Variants in NXPE3 observed in about 807,000 individuals in gnomAD.
NXPE3 encodes the protein NXPE family member 3.
A neutral mutation model predicts 46.1 loss-of-function variants in NXPE3; 26 were observed. The observed-to-expected ratio is 0.56, with a 90% CI of 0.41 to 0.78. The LOEUF (loss-of-function observed/expected upper bound fraction) is 0.78. NXPE3 is among the 30% of genes least tolerant of loss of function. The pLI is 0.00. For missense variants in NXPE3, 620 were observed against 686.0 expected, an observed-to-expected ratio of 0.90 and a Z score of 1.07; for synonymous variants, 272 against 257.9, an observed-to-expected ratio of 1.05 and a Z score of -0.52.
Position 101,816,942 on chromosome 3 carries a change from AT to A in NXPE3, c.1073del (p.Leu358TyrfsTer21), listed in dbSNP as rs781139961. The A allele has an allele frequency of 3.7e-6, 6 of 1,614,142 alleles. No individual in the cohort carries two copies. In the South Asian group the frequency reaches 6.6e-5, roughly 18 times the overall value. On this transcript the variant is annotated frameshift_variant, in exon 7 of 8. Transcript: ENST00000273347. LOFTEE classifies it high-confidence loss of function. ...ITECLQRKVV[H>X]LFGDSTIRQW... ...GAGTGCTTACAAAGAAAAGTGGTGC[AT>A]TTATTTGGTGACTCAACAATCAGGC...
rs2107230192 is a variant in NXPE3 at position 101,782,641 on chromosome 3, T to TC, written c.-316-18dup. On this transcript the variant is annotated intron_variant, in intron 2 of 7. Transcript: ENST00000273347. Reference sequence around the variant, plus strand: ...AATTGGTTTTATTCTTTATTTTATTTCATTTTTTTTTGAGACAGAGTCCTG... The same window carrying TC: ...AATTGGTTTTATTCTTTATTTTATTTCCATTTTTTTTTGAGACAGAGTCCTG... The TC allele has an allele frequency of 1.3e-5, 2 of 152,302 alleles. No individual in the cohort carries two copies. The highest frequency in any genetic ancestry group is 3.9e-4 in the East Asian group (2 of 5,190). The allele number at this position is 152,302 out of a possible 1,614,324, so 9.4% of individuals were successfully genotyped here. A position where few individuals can be genotyped will look rare whatever the true frequency, so the allele number is the denominator to read the frequency against.
rs1263286301 is a variant in NXPE3, at chr3:101,822,814, G to GT, written c.*866dup. 1 of 147,362 alleles carries GT rather than the reference G, an allele frequency of 6.8e-6. No homozygotes were observed. The highest frequency in any genetic ancestry group is 1.5e-5 in the Non-Finnish European group (1 of 67,032). The allele number at this position is 147,362 out of a possible 1,614,324, so 9.1% of individuals were successfully genotyped here. A position where few individuals can be genotyped will look rare whatever the true frequency, so the allele number is the denominator to read the frequency against. ...GCTACGATATTATAAAGCTGTGGAA[G>GT]TTTTTTCCACTAGTTTCAGGTGTTT... On this transcript the variant is annotated 3_prime_UTR_variant, in exon 8 of 8. Coordinates refer to ENST00000273347, the MANE Select transcript of NXPE3 (RefSeq NM_145037.4).
intron 4 of NXPE3, among the ~76,000 whole-genome samples, chr3:101,795,552 G>C (rs970337158): frequency 6.6e-6 from 1 of 151,766 alleles, no homozygotes; most frequent in Non-Finnish European, 1.5e-5. Flanking sequence ...TTATGAGAAG[G>C]GGGTATTTGT....
chr3:101,785,779 G>T, intron 4 of NXPE3, 90 bp downstream of exon 4: 4 of 1,024,380 alleles, frequency 3.9e-6, no homozygotes, highest in Non-Finnish European at 6.2e-6. Flanking sequence ...GTTATCGGAA[G>T]ATTATCGTAG....
At chr3:101,805,617 T>C (rs1259938584) in intron 5 of NXPE3, among the ~76,000 whole-genome samples, 4 of 152,086 alleles carry the variant, frequency 2.6e-5, no homozygotes, top group Non-Finnish European at 5.9e-5. Context: ...TTTTTGTATT[T>C]TTAGTAGAGA....
intron 4 of NXPE3, among the ~76,000 whole-genome samples, chr3:101,800,677 T>A (rs1156699118): frequency 6.6e-6 from 1 of 152,170 alleles, no homozygotes; most frequent in Admixed American, 6.5e-5. Flanking sequence ...TGATACTCAT[T>A]GGTTAGGTAC....
At position 101,822,000 on chromosome 3, in the gene NXPE3, A is replaced by G. The variant is rs766722000; in HGVS notation, c.*46A>G. 2 of 1,557,714 alleles carry G rather than the reference A, an allele frequency of 1.3e-6. No individual in the cohort carries two copies. Among genetic ancestry groups the G allele is most frequent in the Non-Finnish European group, 1.8e-6 (2 of 1,140,326 alleles). On this transcript the variant is annotated 3_prime_UTR_variant, in exon 8 of 8. Coordinates refer to ENST00000273347, the MANE Select transcript of NXPE3 (RefSeq NM_145037.4). ...AGGAATCATATTCAATGACCTTCTCAATTGACCTGAGTTACAGAAAGTGGC... is the reference window on the plus strand; with the variant it reads ...AGGAATCATATTCAATGACCTTCTCGATTGACCTGAGTTACAGAAAGTGGC...
chr3:101,806,559 C>G (rs1941427514), intron 5 of NXPE3, among the ~76,000 whole-genome samples: 1 of 152,168 alleles, frequency 6.6e-6, no homozygotes, highest in African/African-American at 2.4e-5. Flanking sequence ...GGAACAGACA[C>G]TAAAGAGTCC....
Position 101,801,606 on chromosome 3 carries a change from T to TTAA in NXPE3, c.465_466insTAA (p.Ala155_Gly156insTer). 6.2e-7 allele frequency: 1 copy of TTAA among 1,614,218 alleles called. No homozygotes were observed. The highest frequency in any genetic ancestry group is 8.5e-7 in the Non-Finnish European group (1 of 1,180,030). ...GAATTCACTCCCTCAAGCTGCAGGCTGGGGCTGTGGGCAGGGTGGTGGATT... is the reference window on the plus strand; with the variant it reads ...GAATTCACTCCCTCAAGCTGCAGGCTTAAGGGGCTGTGGGCAGGGTGGTGGATT... On this transcript the variant is annotated stop_gained and inframe_insertion, in exon 5 of 8. Coordinates refer to ENST00000273347, the MANE Select transcript of NXPE3 (RefSeq NM_145037.4). LOFTEE classifies it high-confidence loss of function.
chr3:101,823,036 GCTAT>G lies in NXPE3; in HGVS notation c.*1086_*1089del, dbSNP rs1328852812. On this transcript the variant is annotated 3_prime_UTR_variant, in exon 8 of 8. Transcript: ENST00000273347. ...TTGGAAGAAGCTGCTATTCCTACTG[GCTAT>G]CTAAGAAGAATGGAATTATTAATTT... The G allele has an allele frequency of 1.3e-5, 2 of 151,966 alleles. No homozygotes were observed. The highest frequency in any genetic ancestry group is 2.9e-5 in the Non-Finnish European group (2 of 67,974). The allele number at this position is 151,966 out of a possible 1,614,324, so 9.4% of individuals were successfully genotyped here. A position where few individuals can be genotyped will look rare whatever the true frequency, so the allele number is the denominator to read the frequency against.
At chr3:101,818,753 ATTTTTTTTTTTTT>A (rs1186102474) in intron 7 of NXPE3, among the ~76,000 whole-genome samples, 3 of 12,250 alleles carry the variant, frequency 2.4e-4, no homozygotes, top group African/African-American at 7.5e-4. Flanking sequence ...ATATATATAT[ATTTTTTTTTTTTT>A]TTTTTTTTTT....
Position 101,801,299 on chromosome 3 carries a change from A to G in NXPE3, c.158A>G (p.Gln53Arg), listed in dbSNP as rs1045786849. 3 of 1,614,078 alleles carry G rather than the reference A, an allele frequency of 1.9e-6. No homozygotes were observed. Among genetic ancestry groups the G allele is most frequent in the Admixed American group, 3.3e-5 (2 of 60,010 alleles). The part of the protein sequence containing the change: ...IDSSGQFVSS[Q>R]VTGISRNPYC... ...AGCAGTGGACAGTTTGTTTCCTCCC[A>G]GGTGACAGGAATTAGCCGAAATCCC... The change falls in exon 5 of 8, where the codon CAG (glutamine) becomes CGG (arginine). Residue 53 changes from glutamine to arginine, a missense_variant. Around this residue, in one of 3 missense-constraint regions of NXPE3, gnomAD observed 511 missense variants for 528.6 expected, o/e 0.97. Transcript: ENST00000273347.
rs534010179 is a variant in NXPE3, at chr3:101,800,742, T to G, written c.94-493T>G. On this transcript the variant is annotated intron_variant, in intron 4 of 7. Coordinates refer to ENST00000273347, the MANE Select transcript of NXPE3 (RefSeq NM_145037.4). ...GAGAATTGACTCCTTTATTATTATG[T>G]AATGACCCTCTTTATCTTTGCTAAC... Among the ~76,000 whole-genome samples the G allele has an allele frequency of 1.2e-4, 19 of 152,288 alleles. No homozygotes were observed. In the East Asian group the frequency reaches 3.5e-3, roughly 28 times the overall value.
chr3:101,820,996 C>G (rs1224235094), intron 7 of NXPE3, among the ~76,000 whole-genome samples: 1 of 151,848 alleles, frequency 6.6e-6, no homozygotes, highest in African/African-American at 2.4e-5. Flanking sequence ...ACGTGCACTC[C>G]CAAACCTAAA....
rs181355032 is a variant in NXPE3, at chr3:101,805,220, T to C, written c.849-1833T>C. 9.2e-5 allele frequency among the ~76,000 whole-genome samples: 14 copies of C among 152,322 alleles called. No individual in the cohort carries two copies. The South Asian group carries it at 2.7e-3, about 29-fold the overall frequency. On this transcript the variant is annotated intron_variant, in intron 5 of 7. Coordinates refer to ENST00000273347, the MANE Select transcript of NXPE3 (RefSeq NM_145037.4). ...ACATTTGGGACATTTATCATTGTTA[T>C]AGTACTGTTATTTAATATGCAGTTC...
chr3:101,781,773 A>T (rs1380172050), intron 1 of NXPE3: 1 of 152,222 alleles, frequency 6.6e-6, no homozygotes, highest in African/African-American at 2.4e-5. Context: ...TCATTGGATC[A>T]TTGAACTAAA....
chr3:101,809,193 T>C (rs1380067756), intron 6 of NXPE3, among the ~76,000 whole-genome samples: 1 of 152,122 alleles, frequency 6.6e-6, no homozygotes, highest in Non-Finnish European at 1.5e-5. Flanking sequence ...AGTGAGCCTT[T>C]TGATATATTT....
chr3:101,812,709 G>A (rs992586302), intron 6 of NXPE3, among the ~76,000 whole-genome samples: 33 of 149,578 alleles, frequency 2.2e-4, no homozygotes, highest in Non-Finnish European at 3.0e-5. Context: ...CTACTCAGGA[G>A]GCTGAGGCAG....
chr3:101,824,730 A>G lies in NXPE3; in HGVS notation c.*2776A>G, dbSNP rs1352237367. 2 of 152,248 alleles carry G rather than the reference A, an allele frequency of 1.3e-5. No individual in the cohort carries two copies. Among genetic ancestry groups the G allele is most frequent in the Admixed American group, 6.5e-5 (1 of 15,268 alleles). The allele number at this position is 152,248 out of a possible 1,614,324, so 9.4% of individuals were successfully genotyped here. A position where few individuals can be genotyped will look rare whatever the true frequency, so the allele number is the denominator to read the frequency against. On this transcript the variant is annotated 3_prime_UTR_variant, in exon 8 of 8. Coordinates refer to ENST00000273347, the MANE Select transcript of NXPE3 (RefSeq NM_145037.4). The stretch of plus-strand genomic sequence containing the variant: ...AGTGCTGGGATTACAGGTGTGAGCC[A>G]CTGTGCCCAGCTGAGAGTTTTTCTT...
Sources: gnomAD v4.1 joint callset for allele counts (sites outside exome capture counted in the v4.1 genomes callset) on GRCh38, gnomAD v4.1.1 for gene constraint, gnomAD v4.1.1 regional missense constraint, MANE v1.5 for transcripts, NCBI Gene and HGNC (gene_info 2026-07-23, HGNC 2026-07-21) for gene names.